KLF8: variants seen among roughly 807,000 people sequenced by gnomAD.
KLF8 encodes the protein KLF transcription factor 8, also known as Krueppel-like factor 8.
Under a neutral mutation model 18.2 loss-of-function variants are expected in KLF8, and 10 were observed. The ratio of observed to expected loss-of-function variants is 0.55; its 90% CI spans 0.34 to 0.93. The LOEUF is 0.93. Ranked by LOEUF, KLF8 falls within the 40% of genes least tolerant of loss-of-function variation. The pLI is 0.02. For synonymous variants in KLF8, 109 were observed against 97.3 expected, an observed-to-expected ratio of 1.12 and a Z score of -0.71; for missense variants, 264 against 277.9, an observed-to-expected ratio of 0.95 and a Z score of 0.36.
chrX:56,174,600 G>A, the KLF8 span, among the ~76,000 whole-genome samples: 1 of 111,552 alleles, frequency 9.0e-6, no homozygotes, highest in Non-Finnish European at 1.9e-5. Flanking sequence ...TCAGGATGAT[G>A]CTGGCCTCAT....
chrX:55,960,569 AG>A, the KLF8 span, among the ~76,000 whole-genome samples: 2 of 81,381 alleles, frequency 2.5e-5, no homozygotes, highest in Non-Finnish European at 5.2e-5. Context: ...GGAGGAAAGA[AG>A]AAGGAGGAGG....
the KLF8 span, among the ~76,000 whole-genome samples, chrX:55,998,768 G>C: frequency 9.6e-6 from 1 of 104,593 alleles, no homozygotes; most frequent in Non-Finnish European, 1.9e-5. Flanking sequence ...TATTTTGTGA[G>C]TATTTTCTCT....
At chrX:56,166,136 A>T in the KLF8 span, among the ~76,000 whole-genome samples, 13 of 100,036 alleles carry the variant, frequency 1.3e-4, no homozygotes, top group Admixed American at 4.4e-4. Flanking sequence ...TAAGTGCTTT[A>T]TTTTTTTTTT....
At chrX:56,198,709 G>T in the KLF8 span, among the ~76,000 whole-genome samples, 9 of 111,616 alleles carry the variant, frequency 8.1e-5, no homozygotes, top group African/African-American at 2.6e-4. Flanking sequence ...AAGCTACCAA[G>T]GACTTTCTTC....
the KLF8 span, among the ~76,000 whole-genome samples, chrX:55,946,643 G>A: frequency 9.0e-6 from 1 of 111,528 alleles, no homozygotes; most frequent in South Asian, 3.7e-4. Flanking sequence ...AATGGGATCT[G>A]ATTAAACTCA....
chrX:56,041,226 C>G, the KLF8 span, among the ~76,000 whole-genome samples: 12 of 109,253 alleles, frequency 1.1e-4, no homozygotes, highest in South Asian at 4.0e-4. Flanking sequence ...CGGGTTCAAG[C>G]GATTCTCCTG....
At chrX:56,243,744 C>A (rs1450153523) in intron 1 of KLF8, among the ~76,000 whole-genome samples, 3 of 109,046 alleles carry the variant, frequency 2.8e-5, no homozygotes, top group Non-Finnish European at 5.7e-5. Context: ...CCATGTTGGC[C>A]AGGATGGTCT....
the KLF8 span, among the ~76,000 whole-genome samples, chrX:55,985,401 T>C: frequency 1.8e-5 from 2 of 112,087 alleles, no homozygotes; most frequent in Non-Finnish European, 3.8e-5. Flanking sequence ...CCATTGCTTG[T>C]TATTGTCAGG....
intron 1 of KLF8, among the ~76,000 whole-genome samples, chrX:56,239,226 C>T (rs976272099): frequency 9.0e-6 from 1 of 111,708 alleles, no homozygotes; most frequent in African/African-American, 3.3e-5. Flanking sequence ...GGATCTCAAA[C>T]TTAAATCTCC....
the KLF8 span, among the ~76,000 whole-genome samples, chrX:56,033,900 C>T: frequency 1.7e-4 from 19 of 111,898 alleles, no homozygotes; most frequent in Admixed American, 1.8e-3. Context: ...TTTTGAATAC[C>T]TTTGTTTGAA....
chrX:56,016,039 A>G, the KLF8 span, among the ~76,000 whole-genome samples: 1 of 111,948 alleles, frequency 8.9e-6, no homozygotes, highest in Non-Finnish European at 1.9e-5. Context: ...CTAATTGTGA[A>G]TGCTTTTTTG....
the KLF8 span, among the ~76,000 whole-genome samples, chrX:55,974,539 C>T: frequency 8.9e-6 from 1 of 111,800 alleles, no homozygotes; most frequent in African/African-American, 3.2e-5. Flanking sequence ...ATTGAATACA[C>T]TGTGTTTGGT....
At position 56,269,464 on chromosome X, in the gene KLF8, CAG is replaced by C. The variant is rs1168837788; in HGVS notation, c.736_737del (p.Leu247AlafsTer20). ...STIESGSSALQSLQGLQQEPA... is the reference protein window; with the variant it reads ...STIESGSSALXSLQGLQQEPA... ...AATTGAGAGTGGATCCTCAGCCTTG[CAG>C]AGTCTGCAGGGACTACAGCAAGAGT... On this transcript the variant is annotated frameshift_variant, in exon 4 of 6. Coordinates refer to ENST00000468660, the MANE Select transcript of KLF8 (RefSeq NM_007250.5). LOFTEE classifies it high-confidence loss of function. The C allele has an allele frequency of 8.3e-7, 1 of 1,205,418 alleles. No homozygotes were observed. The highest frequency in any genetic ancestry group is 1.1e-6 in the Non-Finnish European group (1 of 892,464).
chrX:56,010,158 A>G, the KLF8 span, among the ~76,000 whole-genome samples: 10 of 111,271 alleles, frequency 9.0e-5, no homozygotes, highest in South Asian at 1.1e-3. Context: ...ACACATAATC[A>G]TCAGATTCTC....
the KLF8 span, among the ~76,000 whole-genome samples, chrX:56,046,157 GAC>G: frequency 1.8e-5 from 2 of 111,581 alleles, no homozygotes; most frequent in Admixed American, 9.5e-5. Flanking sequence ...TTTATTGACT[GAC>G]ATATGTTAAA....
chrX:56,275,138 G>A (rs1367830291), intron 5 of KLF8, among the ~76,000 whole-genome samples: 1 of 111,192 alleles, frequency 9.0e-6, no homozygotes, highest in African/African-American at 3.3e-5. Context: ...CCATGAACAC[G>A]GAATATCTTT....
Position 56,289,828 on chromosome X carries a change from C to G in KLF8, c.*5334C>G, listed in dbSNP as rs760131793. On this transcript the variant is annotated 3_prime_UTR_variant, in exon 6 of 6. Coordinates refer to ENST00000468660, the MANE Select transcript of KLF8 (RefSeq NM_007250.5). ...AGTAATATTTTTAGAACTCCAACAG[C>G]TCTTTGAAACAAAGTGGTCTGCAAA... Among the ~76,000 whole-genome samples the G allele has an allele frequency of 8.9e-6, 1 of 111,900 alleles. No individual in the cohort carries two copies. Among genetic ancestry groups the G allele is most frequent in the South Asian group, 3.7e-4 (1 of 2,688 alleles).
the KLF8 span, among the ~76,000 whole-genome samples, chrX:56,024,621 C>T: frequency 8.9e-6 from 1 of 111,734 alleles, no homozygotes; most frequent in Non-Finnish European, 1.9e-5. Flanking sequence ...AAAGATTTTA[C>T]GTGAAAGGGC....
chrX:55,950,654 G>C, the KLF8 span, among the ~76,000 whole-genome samples: 2 of 111,527 alleles, frequency 1.8e-5, no homozygotes, highest in Admixed American at 1.9e-4. Flanking sequence ...CAAGCCCCTG[G>C]AAAAATCCTA....
Sources: allele counts gnomAD v4.1 joint callset (sites outside exome capture counted in the v4.1 genomes callset), GRCh38; gene constraint gnomAD v4.1.1; transcripts MANE v1.5; gene names NCBI Gene and HGNC (gene_info 2026-07-23, HGNC 2026-07-21).